UXS1: variants seen among roughly 807,000 people sequenced by gnomAD.
UXS1 encodes UDP-glucuronate decarboxylase 1, also known as UDP-glucuronic acid decarboxylase 1.
A neutral mutation model predicts 62.6 loss-of-function variants in UXS1; 33 were observed. That is an observed-to-expected ratio of 0.53 (90% CI 0.40 to 0.70). The LOEUF (loss-of-function observed/expected upper bound fraction) is 0.70. Ranked by LOEUF, UXS1 falls within the 30% of genes least tolerant of loss-of-function variation. The pLI is 0.00. For missense variants in UXS1, 434 were observed against 556.3 expected (o/e 0.78, Z 2.21); for synonymous variants, 213 against 206.8 (o/e 1.03, Z -0.26).
chr2:106,184,433 C>G (rs1431986017), intron 1 of UXS1, among the ~76,000 whole-genome samples: 1 of 152,214 alleles, frequency 6.6e-6, no homozygotes, highest in African/African-American at 2.4e-5. Context: ...ATGTTCTTGA[C>G]TTCTCAGCTG....
At chr2:106,149,331 G>A (rs1358467307) in intron 5 of UXS1, among the ~76,000 whole-genome samples, 2 of 152,180 alleles carry the variant, frequency 1.3e-5, no homozygotes, top group African/African-American at 2.4e-5. Flanking sequence ...TAACAGTGCT[G>A]CTGTGCTTTT....
chr2:106,166,186 A>G, intron 1 of UXS1, 103 bp from the exon 2 acceptor site: 1 of 1,188,104 alleles, frequency 8.4e-7, no homozygotes, highest in South Asian at 1.5e-5. Flanking sequence ...AATTTTACAA[A>G]GAAAATTAAC....
chr2:106,131,188 C>CT (rs1308145896), intron 6 of UXS1, among the ~76,000 whole-genome samples: 1 of 150,476 alleles, frequency 6.6e-6, no homozygotes, highest in Non-Finnish European at 1.5e-5. Flanking sequence ...GAATATTGCG[C>CT]TTTTCAGACC....
At chr2:106,097,304 G>C in intron 13 of UXS1, 1 of 434,414 alleles carries the variant, frequency 2.3e-6, no homozygotes, top group South Asian at 1.6e-5. Flanking sequence ...CCAGCTGGAG[G>C]GACCTCTCGG....
intron 1 of UXS1, among the ~76,000 whole-genome samples, chr2:106,176,048 A>G (rs914104777): frequency 6.6e-6 from 1 of 152,162 alleles, no homozygotes; most frequent in Admixed American, 6.5e-5. Flanking sequence ...TACCAAGTGT[A>G]TCTGTGCCCT....
chr2:106,167,634 CAAAT>C (rs1683291009), intron 1 of UXS1, among the ~76,000 whole-genome samples: 1 of 151,980 alleles, frequency 6.6e-6, no homozygotes, highest in African/African-American at 2.4e-5. Flanking sequence ...AATATATGAC[CAAAT>C]AAATAAAAGT....
intron 10 of UXS1, among the ~76,000 whole-genome samples, chr2:106,110,739 G>T (rs1371732301): frequency 6.6e-6 from 1 of 152,146 alleles, no homozygotes; most frequent in East Asian, 1.9e-4. Flanking sequence ...TGGAAGCTGG[G>T]GACGCAACCA....
chr2:106,175,835 C>G (rs2105090681), intron 1 of UXS1, among the ~76,000 whole-genome samples: 1 of 152,296 alleles, frequency 6.6e-6, no homozygotes, highest in South Asian at 2.1e-4. Flanking sequence ...CCTGATCCAC[C>G]AAGCCCATGG....
intron 4 of UXS1, among the ~76,000 whole-genome samples, chr2:106,158,516 C>G (rs1290954723): frequency 2.0e-5 from 3 of 152,232 alleles, no homozygotes; most frequent in Non-Finnish European, 4.4e-5. Flanking sequence ...CTGGCTCCAT[C>G]TAACCTCACA....
intron 9 of UXS1, among the ~76,000 whole-genome samples, chr2:106,115,015 G>A (rs1481013861): frequency 3.3e-5 from 5 of 152,026 alleles, no homozygotes; most frequent in African/African-American, 9.7e-5. Context: ...ACACAAAGGC[G>A]ACCCCCAGTC....
chr2:106,154,414 T>C (rs1042040701), intron 5 of UXS1, among the ~76,000 whole-genome samples: 1 of 152,204 alleles, frequency 6.6e-6, no homozygotes, highest in African/African-American at 2.4e-5. Flanking sequence ...ACATATTTAG[T>C]TAAGATAAGG....
At chr2:106,179,344 G>A (rs531769533) in intron 1 of UXS1, among the ~76,000 whole-genome samples, 4 of 150,748 alleles carry the variant, frequency 2.7e-5, no homozygotes, top group East Asian at 2.0e-4. Context: ...CCTGCTCTCC[G>A]CTCTCTGGCT....
chr2:106,146,772 C>CCA (rs1241991731), intron 5 of UXS1, among the ~76,000 whole-genome samples: 4 of 45,226 alleles, frequency 8.8e-5, no homozygotes, highest in Admixed American at 5.8e-4. Context: ...GACTCCATCT[C>CCA]AAAAAAAAAA....
intron 11 of UXS1, among the ~76,000 whole-genome samples, chr2:106,104,193 G>C (rs1677851687): frequency 6.6e-6 from 1 of 152,122 alleles, no homozygotes; most frequent in South Asian, 2.1e-4. Flanking sequence ...ATACACAACT[G>C]CTTCTATCCT....
chr2:106,119,887 T>TA (rs1430012054), intron 9 of UXS1, among the ~76,000 whole-genome samples: 2 of 152,202 alleles, frequency 1.3e-5, no homozygotes, highest in Non-Finnish European at 2.9e-5. Flanking sequence ...TTTTCCCCCT[T>TA]ATGTTTGTCT....
intron 5 of UXS1, among the ~76,000 whole-genome samples, chr2:106,147,434 T>G (rs1303742359): frequency 6.6e-6 from 1 of 152,168 alleles, no homozygotes; most frequent in Admixed American, 6.5e-5. Flanking sequence ...TTAGATTCCT[T>G]TCTGCTGACT....
intron 14 of UXS1, 28 bp from the exon 15 acceptor site, chr2:106,094,185 G>A (rs776989891): frequency 2.5e-6 from 4 of 1,607,560 alleles, no homozygotes; most frequent in Middle Eastern, 1.7e-4. Context: ...AAGAAAGGGA[G>A]ACAAGGTCAC....
chr2:106,173,009 C>G (rs1189900691), intron 1 of UXS1, among the ~76,000 whole-genome samples: 1 of 152,194 alleles, frequency 6.6e-6, no homozygotes, highest in East Asian at 1.9e-4. Flanking sequence ...GAGCACCCAC[C>G]CCCCAACAGC....
chr2:106,172,222 T>G (rs1416589019), intron 1 of UXS1, among the ~76,000 whole-genome samples: 1 of 152,028 alleles, frequency 6.6e-6, no homozygotes, highest in Non-Finnish European at 1.5e-5. Flanking sequence ...TGACAAGCAG[T>G]GGGGGGCGGG....
Sources: gnomAD v4.1 joint callset for allele counts (sites outside exome capture counted in the v4.1 genomes callset) on GRCh38, gnomAD v4.1.1 for gene constraint, MANE v1.5 for transcripts, NCBI Gene and HGNC (gene_info 2026-07-23, HGNC 2026-07-21) for gene names.